The following NUP210 variants were observed in gnomAD, a reference collection of about 807,000 sequenced individuals.
The protein encoded by NUP210 is nuclear pore membrane glycoprotein 210.
In NUP210, 151 loss-of-function variants were observed where a neutral mutation model predicts 196.0. The ratio of observed to expected loss-of-function variants is 0.77; its 90% CI spans 0.67 to 0.88. The LOEUF (loss-of-function observed/expected upper bound fraction) is 0.88, where lower values mean the gene tolerates loss of function less well. Ranked by LOEUF, NUP210 falls within the 40% of genes least tolerant of loss-of-function variation. NUP210 has a pLI of 0.00. For missense variants in NUP210, 2,314 were observed against 2,493.7 expected, an observed-to-expected ratio of 0.93 and a Z score of 1.53; for synonymous variants, 1,070 against 1,052.7, an observed-to-expected ratio of 1.02 and a Z score of -0.32.
chr3:13,407,004 A>C (rs1700026808), intron 1 of NUP210, among the ~76,000 whole-genome samples: 1 of 152,162 alleles, frequency 6.6e-6, no homozygotes, highest in Admixed American at 6.5e-5. Flanking sequence ...GGGAGGTCGT[A>C]AGACAGACAG....
chr3:13,343,187 A>G lies in NUP210; in HGVS notation c.2952T>C (p.Arg984=). ...YVSDIQELYI[R]VVDKVEIGKT... Reference sequence around the variant, plus strand: ...AGCTTCCACTGACCTTGTCAACCACACGGATGTACAGCTCCTGAATGTCCG... The same window carrying G: ...AGCTTCCACTGACCTTGTCAACCACGCGGATGTACAGCTCCTGAATGTCCG... The change falls in exon 21 of 40, where the codon CGT becomes CGC. Residue 984 remains arginine, a synonymous_variant. Coordinates refer to ENST00000254508, the MANE Select transcript of NUP210 (RefSeq NM_024923.4). 6.2e-7 allele frequency: 1 copy of G among 1,613,824 alleles called. No individual in the cohort carries two copies. The highest frequency in any genetic ancestry group is 8.5e-7 in the Non-Finnish European group (1 of 1,179,858).
intron 20 of NUP210, 89 bp from the exon 21 acceptor site, chr3:13,343,392 G>A (rs1008116064): frequency 1.1e-5 from 17 of 1,480,524 alleles, no homozygotes; most frequent in Admixed American, 2.0e-5. Flanking sequence ...GCAGTGCCTC[G>A]CCCTCAGCAC....
intron 5 of NUP210, 118 bp from the exon 6 acceptor site, chr3:13,386,525 A>C: frequency 1.5e-6 from 2 of 1,297,598 alleles, no homozygotes; most frequent in Non-Finnish European, 2.1e-6. Context: ...GAGGAAAGAA[A>C]CAAGATATCA....
intron 13 of NUP210, among the ~76,000 whole-genome samples, chr3:13,370,831 G>T (rs1698706873): frequency 6.6e-6 from 1 of 152,218 alleles, no homozygotes; most frequent in South Asian, 2.1e-4. Context: ...AAACACCTCT[G>T]CCAATAAAGC....
intron 1 of NUP210, among the ~76,000 whole-genome samples, chr3:13,415,711 C>T (rs1486629122): frequency 6.6e-6 from 1 of 152,128 alleles, no homozygotes; most frequent in East Asian, 1.9e-4. Context: ...TATGGGGCAA[C>T]TTCTTACAGG....
intron 14 of NUP210, 57 bp from the exon 15 acceptor site, chr3:13,360,548 C>G: frequency 7.2e-7 from 1 of 1,387,400 alleles, no homozygotes; most frequent in Non-Finnish European, 9.9e-7. Context: ...CGGGCAGGAG[C>G]CGGGCATCCC....
In NUP210 at chr3:13,343,249, C is replaced by T. The variant is rs758078494; in HGVS notation, c.2890G>A (p.Val964Ile). The change falls in exon 21 of 40, where the codon GTC becomes ATC. Residue 964 changes from valine to isoleucine, a missense_variant. Physicochemically the swap from Val to Ile is conservative, Grantham distance 29 (BLOSUM62 3). Coordinates refer to ENST00000254508, the MANE Select transcript of NUP210 (RefSeq NM_024923.4). ...STIMIHDLCLVFPAPAKAVVY... is the reference protein window; with the variant it reads ...STIMIHDLCLIFPAPAKAVVY... Reference sequence around the variant, plus strand: ...ACAGCCTTGGCTGGGGCCGGGAAGACGAGGCACAAGTCATGGATCATGATG... The same window carrying T: ...ACAGCCTTGGCTGGGGCCGGGAAGATGAGGCACAAGTCATGGATCATGATG... The T allele has an allele frequency of 7.5e-6, 12 of 1,602,296 alleles. No individual in the cohort carries two copies. The highest frequency in any genetic ancestry group is 3.3e-4 in the Middle Eastern group (2 of 6,030).
intron 9 of NUP210, 129 bp downstream of exon 9, chr3:13,377,327 C>T: frequency 1.5e-6 from 1 of 679,688 alleles, no homozygotes; most frequent in Non-Finnish European, 2.7e-6. Flanking sequence ...GGGAGCGCCA[C>T]TAGAAACAGG....
chr3:13,388,527 T>C (rs1400669706), intron 4 of NUP210, 74 bp from the exon 5 acceptor site: 20 of 1,460,012 alleles, frequency 1.4e-5, no homozygotes, highest in Non-Finnish European at 1.8e-5. Flanking sequence ...TACCACAGCA[T>C]TCCCTATCAG....
chr3:13,321,837 T>G lies in NUP210; in HGVS notation c.4916-2A>C. 6.2e-7 allele frequency: 1 copy of G among 1,602,764 alleles called. No individual in the cohort carries two copies. Among genetic ancestry groups the G allele is most frequent in the South Asian group, 1.1e-5 (1 of 91,076 alleles). On this transcript the variant is annotated splice_acceptor_variant, in intron 35 of 39. Transcript: ENST00000254508. LOFTEE classifies it high-confidence loss of function. ...TTGTGATTGAGCAGAAGTACTGGCCTGCGAAGACAAGGGTGTATTGTCTTG... is the reference window on the plus strand; with the variant it reads ...TTGTGATTGAGCAGAAGTACTGGCCGGCGAAGACAAGGGTGTATTGTCTTG...
chr3:13,366,620 C>T (rs760148140), intron 13 of NUP210, among the ~76,000 whole-genome samples: 63 of 148,070 alleles, frequency 4.3e-4, no homozygotes, highest in Middle Eastern at 3.7e-3. Context: ...CGGCTTCAAG[C>T]GATTCTCCTG....
In NUP210 at chr3:13,339,841, G is replaced by A; in HGVS notation, c.3471+13C>T. ...AGGCACAGCTGCCCAGTCTCCAATAGCACGCCTGTTACCTGAGAGATGATG... is the reference window on the plus strand; with the variant it reads ...AGGCACAGCTGCCCAGTCTCCAATAACACGCCTGTTACCTGAGAGATGATG... On this transcript the variant is annotated intron_variant, in intron 25 of 39. Coordinates refer to ENST00000254508, the MANE Select transcript of NUP210 (RefSeq NM_024923.4). 6.2e-7 allele frequency: 1 copy of A among 1,605,630 alleles called. No homozygotes were observed. The highest frequency in any genetic ancestry group is 8.5e-7 in the Non-Finnish European group (1 of 1,174,326).
intron 3 of NUP210, 54 bp downstream of exon 3, chr3:13,397,303 G>A: frequency 6.3e-7 from 1 of 1,576,086 alleles, no homozygotes; most frequent in Non-Finnish European, 8.6e-7. Context: ...AGTCATGGTG[G>A]GGGGATGATC....
At chr3:13,335,728 G>T (rs1697190663) in intron 27 of NUP210, 116 bp from the exon 28 acceptor site, 12 of 1,193,932 alleles carry the variant, frequency 1.0e-5, no homozygotes, top group Non-Finnish European at 1.4e-5. Flanking sequence ...GTAGCTGCTG[G>T]CCTGTTCTCA....
chr3:13,418,806 C>T (rs1251186621), intron 1 of NUP210, among the ~76,000 whole-genome samples: 2 of 151,188 alleles, frequency 1.3e-5, no homozygotes, highest in Non-Finnish European at 3.0e-5. Flanking sequence ...AACAAACAAA[C>T]AAACAAAATT....
chr3:13,365,446 C>T (rs887186944), intron 14 of NUP210, among the ~76,000 whole-genome samples: 10 of 152,232 alleles, frequency 6.6e-5, no homozygotes, highest in Non-Finnish European at 1.2e-4. Context: ...GTGGCCACCA[C>T]TGTCCTCAGA....
chr3:13,343,339 T>A, intron 20 of NUP210, 36 bp from the exon 21 acceptor site: 2 of 282,518 alleles, frequency 7.1e-6, no homozygotes, highest in Non-Finnish European at 1.2e-5. Flanking sequence ...GGGTGGGTGG[T>A]GGGTTACGCA....
chr3:13,319,949 A>G lies in NUP210; in HGVS notation c.5197T>C (p.Phe1733Leu), dbSNP rs1696449832. 1 of 1,613,964 alleles carries G rather than the reference A, an allele frequency of 6.2e-7. No homozygotes were observed. Among genetic ancestry groups the G allele is most frequent in the Non-Finnish European group, 8.5e-7 (1 of 1,180,050 alleles). ...VKSGSPAVLA[F>L]AKEKSFGWPS... ...CACCCAAAAGACTTCTCCTTTGCGA[A>G]TGCCAGCACGGCCGGGGACCCGGAT... The change falls in exon 37 of 40, where the codon TTC (phenylalanine) becomes CTC (leucine). Residue 1733 changes from phenylalanine to leucine, a missense_variant. Phe to Leu is a conservative substitution (Grantham distance 22). Coordinates refer to ENST00000254508, the MANE Select transcript of NUP210 (RefSeq NM_024923.4).
chr3:13,346,752 C>G (rs1453917249), intron 20 of NUP210, among the ~76,000 whole-genome samples: 1 of 152,202 alleles, frequency 6.6e-6, no homozygotes, highest in Non-Finnish European at 1.5e-5. Context: ...TTGAATGTCA[C>G]TGGAGTCATC....
Sources: allele counts gnomAD v4.1 joint callset (sites outside exome capture counted in the v4.1 genomes callset), GRCh38; gene constraint gnomAD v4.1.1; transcripts MANE v1.5; gene names NCBI Gene and HGNC (gene_info 2026-07-23, HGNC 2026-07-21).